The following NRG1 variants were observed in gnomAD, a reference collection of about 807,000 sequenced individuals.
NRG1 encodes the protein neuregulin 1.
NRG1 carries 18 observed loss-of-function variants against 63.8 expected under a neutral mutation model. The ratio of observed to expected loss-of-function variants is 0.28; its 90% CI spans 0.19 to 0.42. The LOEUF (loss-of-function observed/expected upper bound fraction) is 0.42, where lower values mean the gene tolerates loss of function less well. Among genes scored for constraint, NRG1 ranks in the 10% least tolerant of loss-of-function variants. The pLI, the probability that NRG1 is intolerant of heterozygous loss-of-function variation, is 1.00. For synonymous variants in NRG1, 302 were observed against 301.3 expected, an observed-to-expected ratio of 1.00 and a Z score of -0.02; for missense variants, 762 against 814.7, an observed-to-expected ratio of 0.94 and a Z score of 0.79.
intron 1 of NRG1, among the ~76,000 whole-genome samples, chr8:32,487,534 T>A (rs1286219468): frequency 6.6e-6 from 1 of 152,152 alleles, no homozygotes; most frequent in Admixed American, 6.5e-5. Flanking sequence ...TGGGCAAGTA[T>A]CTTTGTACTC....
intron 1 of NRG1, among the ~76,000 whole-genome samples, chr8:32,267,912 C>T (rs1384424524): frequency 1.3e-5 from 2 of 152,150 alleles, no homozygotes. Flanking sequence ...TCCCCGTGAT[C>T]CCTGACTCCT....
At chr8:32,170,076 T>C (rs983474471) in intron 1 of NRG1, among the ~76,000 whole-genome samples, 2 of 152,196 alleles carry the variant, frequency 1.3e-5, no homozygotes, top group Admixed American at 1.3e-4. Context: ...TACCAGAAGC[T>C]GGAAGAGGCA....
intron 1 of NRG1, among the ~76,000 whole-genome samples, chr8:31,752,128 C>T (rs1458956116): frequency 6.6e-6 from 1 of 151,886 alleles, no homozygotes; most frequent in Non-Finnish European, 1.5e-5. Context: ...GGAGAATGAG[C>T]CTACAAGGAG....
intron 1 of NRG1, among the ~76,000 whole-genome samples, chr8:32,109,058 A>C (rs902115007): frequency 6.6e-6 from 1 of 152,220 alleles, no homozygotes; most frequent in Non-Finnish European, 1.5e-5. Flanking sequence ...TACTGCTGCA[A>C]CATCTTTGGT....
chr8:32,700,922 G>A (rs1814698023), intron 5 of NRG1, among the ~76,000 whole-genome samples: 1 of 151,892 alleles, frequency 6.6e-6, no homozygotes, highest in Non-Finnish European at 1.5e-5. Context: ...ACTGGAACTG[G>A]CTATGTCCCC....
At chr8:32,481,500 A>G (rs1287832849) in intron 1 of NRG1, among the ~76,000 whole-genome samples, 1 of 152,254 alleles carries the variant, frequency 6.6e-6, no homozygotes. Flanking sequence ...AGCCATTATC[A>G]TGGTCCATAG....
intron 1 of NRG1, among the ~76,000 whole-genome samples, chr8:32,029,934 C>T (rs1191759011): frequency 6.6e-6 from 1 of 151,676 alleles, no homozygotes; most frequent in Non-Finnish European, 1.5e-5. Flanking sequence ...ATTTAATGAA[C>T]ATCTCTGGAC....
At chr8:31,682,682 T>C (rs142480080) in intron 1 of NRG1, among the ~76,000 whole-genome samples, 110 of 152,098 alleles carry the variant, frequency 7.2e-4, no homozygotes, top group African/African-American at 2.3e-3. Context: ...TTCTCATAGA[T>C]AAAATACTGT....
intron 1 of NRG1, among the ~76,000 whole-genome samples, chr8:31,985,184 G>T (rs1307421902): frequency 1.3e-5 from 2 of 152,058 alleles, no homozygotes; most frequent in African/African-American, 4.8e-5. Flanking sequence ...TTAAAGTGAT[G>T]ATTATAAGAA....
intron 1 of NRG1, among the ~76,000 whole-genome samples, chr8:31,810,298 C>A (rs1033915633): frequency 1.3e-5 from 2 of 152,036 alleles, no homozygotes; most frequent in South Asian, 2.1e-4. Flanking sequence ...ATGTATTCAG[C>A]GGCCTCAGAG....
chr8:32,405,787 G>A (rs2129484999), intron 1 of NRG1, among the ~76,000 whole-genome samples: 1 of 149,922 alleles, frequency 6.7e-6, no homozygotes, highest in East Asian at 1.9e-4. Flanking sequence ...ATATCATTTT[G>A]AATTTAGTGA....
chr8:32,541,188 T>C (rs1247863886), intron 1 of NRG1, among the ~76,000 whole-genome samples: 1 of 152,054 alleles, frequency 6.6e-6, no homozygotes, highest in Non-Finnish European at 1.5e-5. Flanking sequence ...CACTCTTGGC[T>C]TTCACCTCGA....
chr8:32,527,124 C>G (rs1270290664), intron 1 of NRG1, among the ~76,000 whole-genome samples: 4 of 152,274 alleles, frequency 2.6e-5, no homozygotes, highest in Middle Eastern at 3.4e-3. Context: ...TTCGATCCAG[C>G]AATCCCACTA....
intron 5 of NRG1, among the ~76,000 whole-genome samples, chr8:32,702,540 G>T (rs1815200025): frequency 6.6e-6 from 1 of 152,198 alleles, no homozygotes; most frequent in Admixed American, 6.5e-5. Context: ...AGGCTGGAGT[G>T]CAGTGGTGCA....
intron 5 of NRG1, among the ~76,000 whole-genome samples, chr8:32,660,199 T>C (rs886165611): frequency 1.1e-4 from 17 of 152,218 alleles, no homozygotes; most frequent in African/African-American, 4.1e-4. Context: ...TGGAACATTT[T>C]AGATTTTGGA....
Position 32,044,226 on chromosome 8 carries a change from TAAA to T in NRG1, c.37+404798_37+404800del, listed in dbSNP as rs1419703441. ...GAATAAAGATGACATTAAATAATAA[TAAA>T]AAGAACAATTTACTAAGAAGACATA... is the stretch of plus-strand genomic sequence containing the variant. On this transcript the variant is annotated intron_variant, in intron 1 of 10. Transcript: ENST00000519301. 4.6e-5 allele frequency among the ~76,000 whole-genome samples: 7 copies of T among 151,772 alleles called. No individual in the cohort carries two copies. In the East Asian group the frequency reaches 1.4e-3, roughly 29 times the overall value.
At chr8:31,894,149 C>T (rs1254944645) in intron 1 of NRG1, among the ~76,000 whole-genome samples, 2 of 151,954 alleles carry the variant, frequency 1.3e-5, no homozygotes, top group African/African-American at 4.8e-5. Flanking sequence ...TGTAATTGTA[C>T]CCATGTATAT....
At chr8:32,612,667 AAG>A (rs1488655581) in intron 3 of NRG1, among the ~76,000 whole-genome samples, 2 of 151,982 alleles carry the variant, frequency 1.3e-5, no homozygotes, top group African/African-American at 4.8e-5. Flanking sequence ...GGAGATAGAA[AAG>A]TTCTGATTTT....
chr8:32,094,966 C>T (rs1237609370), intron 1 of NRG1, among the ~76,000 whole-genome samples: 1 of 148,124 alleles, frequency 6.8e-6, no homozygotes, highest in Non-Finnish European at 1.5e-5. Flanking sequence ...GGCTGGAGTG[C>T]ACTGGCGTGA....
Sources: allele counts gnomAD v4.1 joint callset (sites outside exome capture counted in the v4.1 genomes callset), GRCh38; gene constraint gnomAD v4.1.1; transcripts MANE v1.5; gene names NCBI Gene and HGNC (gene_info 2026-07-23, HGNC 2026-07-21).